HECW1: variants seen among roughly 807,000 people sequenced by gnomAD.
HECW1 encodes the protein E3 ubiquitin-protein ligase HECW1.
Under a neutral mutation model 182.3 loss-of-function variants are expected in HECW1, and 61 were observed. That is an observed-to-expected ratio of 0.33 (90% CI 0.27 to 0.41). The LOEUF is 0.41. HECW1 is among the 10% of genes least tolerant of loss of function. The pLI is 1.00. For missense variants in HECW1, 1,739 were observed against 2,108.9 expected (o/e 0.82, Z 3.44); for synonymous variants, 859 against 832.6 (o/e 1.03, Z -0.55).
intron 6 of HECW1, among the ~76,000 whole-genome samples, chr7:43,375,564 A>C (rs1266082440): frequency 6.6e-6 from 1 of 152,178 alleles, no homozygotes; most frequent in African/African-American, 2.4e-5. Context: ...TAGCTAAATA[A>C]AAAATAATAA....
chr7:43,266,314 G>T (rs984503104), intron 3 of HECW1, among the ~76,000 whole-genome samples: 3 of 152,032 alleles, frequency 2.0e-5, no homozygotes, highest in Admixed American at 6.6e-5. Flanking sequence ...TCTCACTCAG[G>T]AAGTGTTTTT....
intron 8 of HECW1, among the ~76,000 whole-genome samples, chr7:43,425,099 T>C (rs1451846255): frequency 6.6e-6 from 1 of 152,138 alleles, no homozygotes; most frequent in African/African-American, 2.4e-5. Context: ...CTGCCGGTAA[T>C]GTGGAACAGT....
intron 3 of HECW1, among the ~76,000 whole-genome samples, chr7:43,304,370 AG>A (rs1807260099): frequency 6.6e-6 from 1 of 152,216 alleles, no homozygotes; most frequent in South Asian, 2.1e-4. Flanking sequence ...AGTGCTTACA[AG>A]AATTCCTGAG....
At chr7:43,437,967 C>T (rs768495656) in intron 8 of HECW1, 36 bp from the exon 9 acceptor site, 10 of 1,609,832 alleles carry the variant, frequency 6.2e-6, no homozygotes, top group Non-Finnish European at 8.5e-6. Context: ...CCTCCAACCT[C>T]TCAGTTAATT....
At chr7:43,257,830 T>C (rs958785672) in intron 3 of HECW1, among the ~76,000 whole-genome samples, 11 of 149,212 alleles carry the variant, frequency 7.4e-5, no homozygotes, top group Non-Finnish European at 1.7e-4. Flanking sequence ...CTTAATTTAT[T>C]CATATGCAAT....
In HECW1 at chr7:43,477,684, T is replaced by G. The variant is rs1412756010; in HGVS notation, c.3100-1926T>G. On this transcript the variant is annotated intron_variant, in intron 16 of 29. Transcript: ENST00000395891. ...GTCACAAATATTGATTCACATGATA[T>G]TAGTAGTGTTGTTATTTACCTTTTT... is the stretch of plus-strand genomic sequence containing the variant. Among the ~76,000 whole-genome samples the G allele has an allele frequency of 2.0e-5, 3 of 152,328 alleles. No individual in the cohort carries two copies. In the East Asian group the frequency reaches 5.8e-4, roughly 29 times the overall value.
rs753283035 is a variant in HECW1 at position 43,552,287 on chromosome 7, C to T, written c.4461C>T (p.Thr1487=). The T allele has an allele frequency of 1.7e-5, 28 of 1,613,850 alleles. No homozygotes were observed. The highest frequency in any genetic ancestry group is 1.9e-5 in the Non-Finnish European group (22 of 1,179,926). The stretch of plus-strand genomic sequence containing the variant: ...AGCTGGAGCTGGTGATAGCTGGCAC[C>T]GCGGAAATCGACCTAAATGACTGGC... ...ARELELVIAG[T]AEIDLNDWRN... The change falls in exon 28 of 30, where the codon ACC becomes ACT. Residue 1487 remains threonine, a synonymous_variant. Coordinates refer to ENST00000395891, the MANE Select transcript of HECW1 (RefSeq NM_015052.5).
At chr7:43,447,022 T>G (rs1402159953) in intron 11 of HECW1, among the ~76,000 whole-genome samples, 2 of 152,204 alleles carry the variant, frequency 1.3e-5, no homozygotes, top group African/African-American at 2.4e-5. Context: ...ATTGGGGGAT[T>G]CCCACATAAA....
At chr7:43,411,045 A>ATTT (rs35153636) in intron 8 of HECW1, among the ~76,000 whole-genome samples, 1 of 141,530 alleles carries the variant, frequency 7.1e-6, no homozygotes, top group Admixed American at 7.0e-5. Context: ...ATTGCCTTCT[A>ATTT]TTTTTTTTTT....
chr7:43,217,887 A>C (rs1027648324), intron 2 of HECW1, among the ~76,000 whole-genome samples: 1 of 152,188 alleles, frequency 6.6e-6, no homozygotes, highest in African/African-American at 2.4e-5. Context: ...TCTCTGGCCC[A>C]AGAGCAGTGT....
intron 3 of HECW1, among the ~76,000 whole-genome samples, chr7:43,249,810 G>A (rs989662406): frequency 6.6e-6 from 1 of 152,150 alleles, no homozygotes; most frequent in African/African-American, 2.4e-5. Context: ...TAGATTTAGA[G>A]CTCAAAATTT....
chr7:43,519,960 A>G (rs1190456954), intron 24 of HECW1, among the ~76,000 whole-genome samples: 2 of 152,242 alleles, frequency 1.3e-5, no homozygotes, highest in Non-Finnish European at 2.9e-5. Context: ...AGATGAGCCG[A>G]GGTAACAGGA....
At chr7:43,316,798 CTCT>C (rs1473221584) in intron 4 of HECW1, among the ~76,000 whole-genome samples, 1 of 37,440 alleles carries the variant, frequency 2.7e-5, no homozygotes, top group Non-Finnish European at 4.2e-5. Flanking sequence ...CTCTCCTCTC[CTCT>C]CCCGTCCCGT....
intron 3 of HECW1, among the ~76,000 whole-genome samples, chr7:43,257,748 T>C (rs1463921914): frequency 6.6e-6 from 1 of 152,222 alleles, no homozygotes; most frequent in Non-Finnish European, 1.5e-5. Context: ...GCTCAGAGTT[T>C]TTAGGTTTGT....
intron 24 of HECW1, among the ~76,000 whole-genome samples, chr7:43,528,891 A>G (rs529768647): frequency 6.6e-6 from 1 of 152,304 alleles, no homozygotes; most frequent in African/African-American, 2.4e-5. Flanking sequence ...TTTCCACATA[A>G]AGGGAAGCTA....
chr7:43,264,989 T>C (rs550927553), intron 3 of HECW1, among the ~76,000 whole-genome samples: 1 of 152,266 alleles, frequency 6.6e-6, no homozygotes, highest in East Asian at 1.9e-4. Context: ...CGTGAAAACT[T>C]GATAATATGG....
chr7:43,269,318 C>T (rs1802128842), intron 3 of HECW1, among the ~76,000 whole-genome samples: 1 of 152,240 alleles, frequency 6.6e-6, no homozygotes, highest in Admixed American at 6.5e-5. Flanking sequence ...CTCACATATT[C>T]TGCTCTTTTT....
intron 6 of HECW1, among the ~76,000 whole-genome samples, chr7:43,384,336 G>A (rs1390115171): frequency 6.6e-6 from 1 of 152,142 alleles, no homozygotes; most frequent in East Asian, 1.9e-4. Flanking sequence ...CTCATCCCAT[G>A]ATCCAGCAAC....
chr7:43,328,688 G>A (rs950053130), intron 5 of HECW1, among the ~76,000 whole-genome samples: 2 of 152,304 alleles, frequency 1.3e-5, no homozygotes, highest in Non-Finnish European at 2.9e-5. Flanking sequence ...ATGACTGAGC[G>A]TTATTACAGA....
Sources: gnomAD v4.1 joint callset for allele counts (sites outside exome capture counted in the v4.1 genomes callset) on GRCh38, gnomAD v4.1.1 for gene constraint, MANE v1.5 for transcripts, NCBI Gene and HGNC (gene_info 2026-07-23, HGNC 2026-07-21) for gene names.